Variants in FGF14 observed in about 807,000 individuals in gnomAD.
The protein encoded by FGF14 is fibroblast growth factor 14.
In FGF14, 5 loss-of-function variants were observed where a neutral mutation model predicts 25.5. The ratio of observed to expected loss-of-function variants is 0.20; its 90% CI spans 0.10 to 0.41. The LOEUF (loss-of-function observed/expected upper bound fraction) is 0.41, where lower values mean the gene tolerates loss of function less well. Among genes scored for constraint, FGF14 ranks in the 10% least tolerant of loss-of-function variants. The probability of loss-of-function intolerance (pLI) is 1.00; values close to 1 mark genes in which losing one functional copy is unlikely to be tolerated. For synonymous variants in FGF14, 138 were observed against 118.3 expected, an observed-to-expected ratio of 1.17 and a Z score of -1.08; for missense variants, 222 against 320.1, an observed-to-expected ratio of 0.69 and a Z score of 2.34.
chr13:101,980,465 GATA>G (rs1270464403), intron 1 of FGF14, among the ~76,000 whole-genome samples: 1 of 152,106 alleles, frequency 6.6e-6, no homozygotes. Context: ...TGATAAAAAT[GATA>G]ATATTTAAAC....
In FGF14 at chr13:101,715,701, G is replaced by A; in HGVS notation, c.*7130C>T. 7.7e-7 allele frequency: 1 copy of A among 1,293,298 alleles called. No individual in the cohort carries two copies. Among genetic ancestry groups the A allele is most frequent in the Middle Eastern group, 1.8e-4 (1 of 5,412 alleles). 80.1% of individuals were successfully genotyped at this position (1,293,298 alleles called of 1,614,324 possible). On this transcript the variant is annotated 3_prime_UTR_variant, in exon 5 of 5. Coordinates refer to ENST00000376143, the MANE Select transcript of FGF14 (RefSeq NM_004115.4). ...GATTCTTATTTTTTCTGGGCCATTA[G>A]AACAGATAAATGCGAAGGAAACCAT... is the stretch of plus-strand genomic sequence containing the variant.
At chr13:102,300,978 AAC>A (rs2055020637) in intron 1 of FGF14, among the ~76,000 whole-genome samples, 1 of 109,088 alleles carries the variant, frequency 9.2e-6, no homozygotes, top group Non-Finnish European at 2.2e-5. Flanking sequence ...TAACCTTAAC[AAC>A]ATTTCAAATT....
At chr13:102,380,607 G>A (rs1383643673) in intron 1 of FGF14, among the ~76,000 whole-genome samples, 4 of 152,102 alleles carry the variant, frequency 2.6e-5, no homozygotes, top group Admixed American at 1.3e-4. Context: ...GGAGAGGCTG[G>A]TCTGTTACAA....
chr13:101,813,843 A>C (rs2041701075), intron 3 of FGF14, among the ~76,000 whole-genome samples: 1 of 152,236 alleles, frequency 6.6e-6, no homozygotes, highest in African/African-American at 2.4e-5. Context: ...TTGTTCCTAA[A>C]ACCATAATAA....
At chr13:101,956,621 A>G (rs1222092370) in intron 1 of FGF14, among the ~76,000 whole-genome samples, 3 of 152,170 alleles carry the variant, frequency 2.0e-5, no homozygotes, top group Admixed American at 6.5e-5. Flanking sequence ...GGGGTTAATG[A>G]GGTAAAAATA....
intron 1 of FGF14, among the ~76,000 whole-genome samples, chr13:102,205,984 TAAAA>T (rs36108366): frequency 2.1e-4 from 10 of 47,440 alleles, no homozygotes; most frequent in African/African-American, 2.8e-4. Flanking sequence ...CTCCCTGTGG[TAAAA>T]AAAAAAAAAA....
At chr13:101,747,377 G>A (rs1290257156) in intron 3 of FGF14, among the ~76,000 whole-genome samples, 1 of 151,950 alleles carries the variant, frequency 6.6e-6, no homozygotes, top group Non-Finnish European at 1.5e-5. Flanking sequence ...GAAGTTTACT[G>A]GGAAATTTAG....
intron 1 of FGF14, among the ~76,000 whole-genome samples, chr13:101,879,777 G>C (rs115280193): frequency 6.6e-6 from 1 of 151,872 alleles, no homozygotes; most frequent in Non-Finnish European, 1.5e-5. Flanking sequence ...ATTTTTATAG[G>C]GTAAAAACAA....
intron 3 of FGF14, among the ~76,000 whole-genome samples, chr13:101,779,826 A>G (rs1252607611): frequency 1.3e-5 from 2 of 152,222 alleles, no homozygotes; most frequent in Non-Finnish European, 2.9e-5. Context: ...CTAGCACCCT[A>G]CTTTCTAGCA....
intron 1 of FGF14, among the ~76,000 whole-genome samples, chr13:102,161,679 G>C (rs2047756396): frequency 3.3e-5 from 2 of 60,800 alleles, no homozygotes; most frequent in African/African-American, 9.8e-5. Context: ...AGAAGAAGAA[G>C]AAGAAGAAGA....
At chr13:101,903,924 G>T (rs2031898940) in intron 1 of FGF14, among the ~76,000 whole-genome samples, 1 of 152,156 alleles carries the variant, frequency 6.6e-6, no homozygotes, top group South Asian at 2.1e-4. Context: ...GCATAGTGTT[G>T]AAGTCATGGA....
intron 3 of FGF14, among the ~76,000 whole-genome samples, chr13:101,795,081 G>C (rs1320014161): frequency 6.6e-6 from 1 of 152,124 alleles, no homozygotes; most frequent in Non-Finnish European, 1.5e-5. Flanking sequence ...AAGTGAGTTG[G>C]CCAGATAGTA....
At chr13:101,947,092 T>C (rs2035857444) in intron 1 of FGF14, among the ~76,000 whole-genome samples, 1 of 152,178 alleles carries the variant, frequency 6.6e-6, no homozygotes, top group Non-Finnish European at 1.5e-5. Flanking sequence ...AAAAAAATGC[T>C]CATTATCACT....
At chr13:101,993,798 G>T (rs1285770932) in intron 1 of FGF14, among the ~76,000 whole-genome samples, 2 of 151,818 alleles carry the variant, frequency 1.3e-5, no homozygotes, top group African/African-American at 4.8e-5. Context: ...AAGCAGCAAA[G>T]AAAATCTATG....
rs79817237 is a variant in FGF14, at chr13:101,787,637, T to C, written c.409-60827A>G. 6.7e-3 allele frequency among the ~76,000 whole-genome samples: 1,013 copies of C among 152,258 alleles called. 17 individuals are homozygous for C. Among genetic ancestry groups the C allele is most frequent in the African/African-American group, 0.023 (942 of 41,554 alleles). On this transcript the variant is annotated intron_variant, in intron 3 of 4. Coordinates refer to ENST00000376143, the MANE Select transcript of FGF14 (RefSeq NM_004115.4). ...CTCTCCTCAGAGCATGTCAGCTGCA[T>C]TTCTTTCTGGGTAGCAAGCATCCTG...
rs933897559 is a variant in FGF14, at chr13:102,047,814, A to T, written c.209-172518T>A. On this transcript the variant is annotated intron_variant, in intron 1 of 4. Transcript: ENST00000376131. ...CTGCATGTTGTGCACATGTACCCTA[A>T]AACTTAAAGTATAATAAAAAAAATC... 2.0e-5 allele frequency among the ~76,000 whole-genome samples: 3 copies of T among 152,260 alleles called. No homozygotes were observed. The South Asian group carries it at 6.2e-4, about 32-fold the overall frequency.
intron 1 of FGF14, among the ~76,000 whole-genome samples, chr13:102,011,597 A>G (rs1027155858): frequency 4.6e-5 from 7 of 151,986 alleles, no homozygotes; most frequent in Non-Finnish European, 8.8e-5. Context: ...TATGAAGCTT[A>G]TCCATAGCTG....
Position 101,887,245 on chromosome 13 carries a change from T to C in FGF14, c.194-11949A>G, listed in dbSNP as rs544643502. Among the ~76,000 whole-genome samples the C allele has an allele frequency of 2.6e-5, 4 of 151,896 alleles. No homozygotes were observed. The East Asian group carries it at 5.8e-4, about 22-fold the overall frequency. The stretch of plus-strand genomic sequence containing the variant: ...ATGTTTGTTGTATCACTCTTCACAA[T>C]TGCCAGAATATGGGGGTCAATGTCC... On this transcript the variant is annotated intron_variant, in intron 1 of 4. Transcript: ENST00000376143.
chr13:101,952,187 A>T (rs2036210590), intron 1 of FGF14, among the ~76,000 whole-genome samples: 3 of 152,216 alleles, frequency 2.0e-5, no homozygotes, highest in Admixed American at 2.0e-4. Context: ...ATGAAGGATA[A>T]GAAGATGACT....
Sources: allele counts gnomAD v4.1 joint callset (sites outside exome capture counted in the v4.1 genomes callset), GRCh38; gene constraint gnomAD v4.1.1; transcripts MANE v1.5; gene names NCBI Gene and HGNC (gene_info 2026-07-23, HGNC 2026-07-21).